The following EDIL3 variants were observed in gnomAD, a reference collection of about 807,000 sequenced individuals.
The protein encoded by EDIL3 is EGF-like repeat and discoidin I-like domain-containing protein 3.
Under a neutral mutation model 67.4 loss-of-function variants are expected in EDIL3, and 37 were observed. The ratio of observed to expected loss-of-function variants is 0.55; its 90% CI spans 0.42 to 0.72. EDIL3 has a LOEUF of 0.72. Among genes scored for constraint, EDIL3 ranks in the 30% least tolerant of loss-of-function variants. The probability of loss-of-function intolerance (pLI) is 0.00; values close to 1 mark genes in which losing one functional copy is unlikely to be tolerated. For missense variants in EDIL3, 527 were observed against 586.3 expected (o/e 0.90, Z 1.04); for synonymous variants, 195 against 196.3 (o/e 0.99, Z 0.05).
rs190801686 is a variant in EDIL3, at chr5:84,358,864, C to T, written c.67+25444G>A. Reference sequence around the variant, plus strand: ...TGACCTCATGAACCACCCACCTCGGCCTTCCAAAATGCTGGGATTACAGGC... The same window carrying T: ...TGACCTCATGAACCACCCACCTCGGTCTTCCAAAATGCTGGGATTACAGGC... On this transcript the variant is annotated intron_variant, in intron 1 of 10. Coordinates refer to ENST00000296591, the MANE Select transcript of EDIL3 (RefSeq NM_005711.5). Among the ~76,000 whole-genome samples the T allele has an allele frequency of 2.3e-3, 348 of 152,224 alleles. 2 individuals carry two copies. Among genetic ancestry groups the T allele is most frequent in the Non-Finnish European group, 3.6e-3 (247 of 68,008 alleles).
At chr5:84,254,242 A>ATT (rs111238659) in intron 1 of EDIL3, 30 bp from the exon 2 acceptor site, 676 of 1,443,440 alleles carry the variant, frequency 4.7e-4, no homozygotes, top group South Asian at 5.7e-4. Flanking sequence ...CGAAATTGAC[A>ATT]TTTTTTTTTT....
chr5:84,082,333 G>A (rs1469296266), intron 6 of EDIL3, among the ~76,000 whole-genome samples: 2 of 152,152 alleles, frequency 1.3e-5, no homozygotes, highest in Non-Finnish European at 2.9e-5. Context: ...GTACTTCTGG[G>A]AAACAGAAAA....
intron 1 of EDIL3, among the ~76,000 whole-genome samples, chr5:84,256,186 GC>G (rs1395743310): frequency 6.8e-6 from 1 of 147,308 alleles, no homozygotes; most frequent in African/African-American, 2.5e-5. Flanking sequence ...CACACATATA[GC>G]TAGCTAGCTA....
intron 2 of EDIL3, among the ~76,000 whole-genome samples, chr5:84,247,767 A>C (rs1744937533): frequency 6.6e-6 from 1 of 152,050 alleles, no homozygotes; most frequent in Admixed American, 6.6e-5. Context: ...TGTATTTTTT[A>C]CATGATATGC....
chr5:83,989,809 C>T (rs902956578), intron 9 of EDIL3, among the ~76,000 whole-genome samples: 2 of 152,048 alleles, frequency 1.3e-5, no homozygotes, highest in African/African-American at 4.8e-5. Flanking sequence ...TGTTATTAAG[C>T]CTCCATCTGA....
At chr5:83,970,256 T>TTATATATATATATATATATATATA (rs60143474) in intron 9 of EDIL3, among the ~76,000 whole-genome samples, 38 of 128,500 alleles carry the variant, frequency 3.0e-4, no homozygotes, top group African/African-American at 5.5e-4. Flanking sequence ...GTGTCACTAA[T>TTATATATATATATATATATATATA]TATATATATA....
chr5:84,359,615 T>A (rs1461061855), intron 1 of EDIL3, among the ~76,000 whole-genome samples: 1 of 152,178 alleles, frequency 6.6e-6, no homozygotes, highest in Non-Finnish European at 1.5e-5. Flanking sequence ...CTAGCTAGAA[T>A]TGACTTGAAA....
chr5:84,055,151 A>G (rs1204383789), intron 9 of EDIL3, among the ~76,000 whole-genome samples: 7 of 146,070 alleles, frequency 4.8e-5, no homozygotes, highest in African/African-American at 1.9e-4. Context: ...CAGAAATAAT[A>G]ACACACATCT....
chr5:84,100,949 C>A (rs10054450), intron 6 of EDIL3, among the ~76,000 whole-genome samples: 1 of 151,454 alleles, frequency 6.6e-6, no homozygotes, highest in Non-Finnish European at 1.5e-5. Flanking sequence ...CTTTTTCTTT[C>A]GCCAAAAAAA....
intron 9 of EDIL3, among the ~76,000 whole-genome samples, chr5:83,984,023 G>A (rs1399112112): frequency 6.6e-6 from 1 of 152,006 alleles, no homozygotes; most frequent in Non-Finnish European, 1.5e-5. Context: ...TCTGAACTCA[G>A]CATTGACTTA....
intron 10 of EDIL3, among the ~76,000 whole-genome samples, chr5:83,955,360 T>G (rs1744496431): frequency 6.6e-6 from 1 of 151,718 alleles, no homozygotes; most frequent in South Asian, 2.1e-4. Context: ...ATATTTTACT[T>G]TGATAATACT....
At chr5:84,225,346 A>G (rs1744428986) in intron 3 of EDIL3, among the ~76,000 whole-genome samples, 1 of 151,684 alleles carries the variant, frequency 6.6e-6, no homozygotes, top group African/African-American at 2.4e-5. Flanking sequence ...CGAATAAAAG[A>G]ATGTGGGTAC....
At chr5:84,047,791 T>C (rs1746249592) in intron 9 of EDIL3, 1 of 152,104 alleles carries the variant, frequency 6.6e-6, no homozygotes, top group African/African-American at 2.4e-5. Context: ...GTACCTCAAA[T>C]TATGCACTCC....
chr5:84,120,897 A>G (rs1441571500), intron 5 of EDIL3, among the ~76,000 whole-genome samples: 1 of 151,966 alleles, frequency 6.6e-6, no homozygotes, highest in Non-Finnish European at 1.5e-5. Flanking sequence ...GAATAATGAT[A>G]ATACTAAACA....
chr5:84,117,774 T>A (rs1183236884), intron 5 of EDIL3, among the ~76,000 whole-genome samples: 1 of 152,106 alleles, frequency 6.6e-6, no homozygotes, highest in Non-Finnish European at 1.5e-5. Context: ...GAAGCTTTCA[T>A]CCTGCAAATG....
intron 3 of EDIL3, among the ~76,000 whole-genome samples, chr5:84,217,981 A>G (rs1051602773): frequency 2.0e-5 from 3 of 152,178 alleles, no homozygotes; most frequent in Admixed American, 6.5e-5. Context: ...CACACAATCT[A>G]AGTATTCATA....
intron 3 of EDIL3, among the ~76,000 whole-genome samples, chr5:84,207,847 T>G (rs1466826683): frequency 2.0e-5 from 3 of 151,588 alleles, no homozygotes; most frequent in Admixed American, 6.6e-5. Context: ...TAGCCATATG[T>G]AGAAAGCTGA....
At chr5:84,176,201 ATAT>A (rs1561453764) in intron 4 of EDIL3, among the ~76,000 whole-genome samples, 13 of 9,190 alleles carry the variant, frequency 1.4e-3, no homozygotes, top group East Asian at 0.11. Context: ...TATATATAAT[ATAT>A]ATATATATAT....
chr5:84,059,756 C>T (rs547545186), intron 9 of EDIL3, among the ~76,000 whole-genome samples: 171 of 152,286 alleles, frequency 1.1e-3, no homozygotes, highest in African/African-American at 3.8e-3. Context: ...TTAAAAAGCA[C>T]TGACTGTAAC....
Sources: allele counts gnomAD v4.1 joint callset (sites outside exome capture counted in the v4.1 genomes callset), GRCh38; gene constraint gnomAD v4.1.1; transcripts MANE v1.5; gene names NCBI Gene and HGNC (gene_info 2026-07-23, HGNC 2026-07-21).